IMPG1: variants seen among roughly 807,000 people sequenced by gnomAD.
IMPG1 encodes interphotoreceptor matrix proteoglycan of 150 kDa.
In IMPG1, 85 loss-of-function variants were observed where a neutral mutation model predicts 92.0. That is an observed-to-expected ratio of 0.92 (90% CI 0.78 to 1.11). IMPG1 has a LOEUF of 1.11. Among genes scored for constraint, IMPG1 ranks in the 50% least tolerant of loss-of-function variants. IMPG1 has a pLI of 0.00. For synonymous variants in IMPG1, 367 were observed against 334.1 expected, an observed-to-expected ratio of 1.10 and a Z score of -1.08; for missense variants, 1,022 against 956.0, an observed-to-expected ratio of 1.07 and a Z score of -0.91.
At position 75,992,285 on chromosome 6, in the gene IMPG1, T is replaced by TA. The variant is rs1782825182; in HGVS notation, c.1291+10632dup. ...TCCACAATAATATGAGCCAGCTCCT[T>TA]AAATAAATCTCTCTCTCCCTCTCTC... is the stretch of plus-strand genomic sequence containing the variant. On this transcript the variant is annotated intron_variant, in intron 12 of 16. Transcript: ENST00000369950. 2.0e-5 allele frequency among the ~76,000 whole-genome samples: 3 copies of TA among 152,316 alleles called. No individual in the cohort carries two copies. In the South Asian group the frequency reaches 6.2e-4, roughly 32 times the overall value.
chr6:75,965,169 C>A (rs1782285751), intron 12 of IMPG1, among the ~76,000 whole-genome samples: 1 of 152,136 alleles, frequency 6.6e-6, no homozygotes, highest in Non-Finnish European at 1.5e-5. Flanking sequence ...TATGCATGCA[C>A]AGGTTTTTAT....
chr6:75,935,410 C>G lies in IMPG1; in HGVS notation c.2045-4259G>C, dbSNP rs554547519. Among the ~76,000 whole-genome samples, 86 of 152,388 alleles carry G rather than the reference C, an allele frequency of 5.6e-4. 1 individual carries two copies. The highest frequency in any genetic ancestry group is 7.2e-4 in the Non-Finnish European group (49 of 68,042). ...CAAACGCTTCCCGCGCTGCCACGCC[C>G]TGGCGCCCAGCGTGACAAAGCTTCA... On this transcript the variant is annotated intron_variant, in intron 14 of 16. Transcript: ENST00000369950.
chr6:76,021,798 T>TATATATATATATATATATATAC lies in IMPG1; in HGVS notation c.666+317_666+318insGTATATATATATATATATATAT, dbSNP rs1169030839. Among the ~76,000 whole-genome samples the TATATATATATATATATATATAC allele has an allele frequency of 3.6e-4, 51 of 140,710 alleles. 1 individual carries two copies. Among genetic ancestry groups the TATATATATATATATATATATAC allele is most frequent in the African/African-American group, 1.3e-3 (50 of 38,494 alleles). 92.3% of individuals were successfully genotyped at this position (140,710 alleles called of 152,430 possible). ...GAGAGCATATATATATATATATATA[T>TATATATATATATATATATATAC]ATATGGTTTTGTTATATATATATAT... On this transcript the variant is annotated intron_variant, in intron 6 of 16. Coordinates refer to ENST00000369950, the MANE Select transcript of IMPG1 (RefSeq NM_001563.4).
chr6:76,049,926 T>A (rs1247480940), intron 1 of IMPG1, among the ~76,000 whole-genome samples: 3 of 152,126 alleles, frequency 2.0e-5, no homozygotes, highest in African/African-American at 7.2e-5. Flanking sequence ...CCTTTTAAAA[T>A]TTAGCCACTC....
chr6:75,939,270 A>T (rs558697360), intron 14 of IMPG1, among the ~76,000 whole-genome samples: 2 of 152,106 alleles, frequency 1.3e-5, no homozygotes, highest in Non-Finnish European at 2.9e-5. Flanking sequence ...ACATATGTAT[A>T]CATGTGCCAT....
At position 76,003,954 on chromosome 6, in the gene IMPG1, T is replaced by C. The variant is rs1217443690; in HGVS notation, c.1136-4A>G. The C allele has an allele frequency of 5.6e-6, 9 of 1,608,746 alleles. No individual in the cohort carries two copies. The highest frequency in any genetic ancestry group is 7.6e-6 in the Non-Finnish European group (9 of 1,176,788). On this transcript the variant is annotated splice_polypyrimidine_tract_variant and splice_region_variant and intron_variant, in intron 10 of 16. Transcript: ENST00000369950. ...GCTGGCAGTGATCCAGCAATTTCTA[T>C]GGGTAAAAAATCACAAGATTTGAAT...
chr6:75,972,991 A>T (rs1049995857), intron 12 of IMPG1, among the ~76,000 whole-genome samples: 1 of 151,992 alleles, frequency 6.6e-6, no homozygotes, highest in African/African-American at 2.4e-5. Flanking sequence ...TTCTTTTTTG[A>T]GACAGGGTCT....
intron 12 of IMPG1, among the ~76,000 whole-genome samples, chr6:75,953,950 T>C (rs1782076646): frequency 6.6e-6 from 1 of 152,252 alleles, no homozygotes; most frequent in African/African-American, 2.4e-5. Context: ...ACTCATCCTT[T>C]GTTATGGCTG....
At position 76,005,346 on chromosome 6, in the gene IMPG1, A is replaced by G. The variant is rs1783076148; in HGVS notation, c.1076T>C (p.Ile359Thr). The stretch of plus-strand genomic sequence containing the variant: ...TTGTTCTTCCTCTAGTGCTTTGCTG[A>G]TCAGCCTTTTGAGGTCTGTAGCTGT... ...YLTATDLKRL[I>T]SKALEEEQSL... Residue 359 changes from isoleucine (I) to threonine (T), a missense_variant, in exon 10 of 17, where the codon ATC becomes ACC. Ile to Thr is a moderately conservative substitution (Grantham distance 89, BLOSUM62 -1). This residue lies in a region of IMPG1 where 681 missense variants were observed against 583.6 expected (regional missense o/e 1.17). Coordinates refer to ENST00000369950, the MANE Select transcript of IMPG1 (RefSeq NM_001563.4). The G allele has an allele frequency of 6.2e-7, 1 of 1,613,918 alleles. No individual in the cohort carries two copies. The highest frequency in any genetic ancestry group is 1.3e-5 in the African/African-American group (1 of 74,930).
At chr6:75,933,389 A>T (rs1781693797) in intron 14 of IMPG1, among the ~76,000 whole-genome samples, 1 of 152,208 alleles carries the variant, frequency 6.6e-6, no homozygotes, top group Non-Finnish European at 1.5e-5. Flanking sequence ...AGATTTCACC[A>T]TGATCCTGTA....
intron 12 of IMPG1, among the ~76,000 whole-genome samples, chr6:75,974,393 T>TTCC (rs1313714060): frequency 0.062 from 4,043 of 64,858 alleles, 212 homozygotes; most frequent in East Asian, 0.13. Context: ...CTTTCTTTCT[T>TTCC]TTCTTTCTTT....
At position 76,034,359 on chromosome 6, in the gene IMPG1, G is replaced by T. The variant is rs1783699395; in HGVS notation, c.469-16C>A. The T allele has an allele frequency of 1.9e-6, 3 of 1,610,740 alleles. No homozygotes were observed. Among genetic ancestry groups the T allele is most frequent in the Non-Finnish European group, 2.5e-6 (3 of 1,177,154 alleles). On this transcript the variant is annotated splice_polypyrimidine_tract_variant and intron_variant, in intron 3 of 16. Transcript: ENST00000369950. ...GTTTTATTCTCTGCAAAAAGATAAA[G>T]ATAAAATGTAATTTTACCAGGAGAT... is the stretch of plus-strand genomic sequence containing the variant.
chr6:76,024,377 T>C (rs989341810), intron 5 of IMPG1, among the ~76,000 whole-genome samples: 8 of 136,984 alleles, frequency 5.8e-5, no homozygotes, highest in Non-Finnish European at 9.6e-5. Flanking sequence ...AGTTTTATTG[T>C]GTATATTTAA....
At chr6:75,932,872 T>G (rs1234378570) in intron 14 of IMPG1, among the ~76,000 whole-genome samples, 1 of 152,018 alleles carries the variant, frequency 6.6e-6, no homozygotes, top group Non-Finnish European at 1.5e-5. Context: ...AGCTAATTTT[T>G]GTATTTTTAG....
At chr6:75,951,491 C>T (rs1374014381) in intron 12 of IMPG1, among the ~76,000 whole-genome samples, 1 of 152,172 alleles carries the variant, frequency 6.6e-6, no homozygotes, top group Non-Finnish European at 1.5e-5. Context: ...ATTTAGATCC[C>T]TCATCCCCGT....
chr6:76,068,682 A>G (rs1784352951), intron 1 of IMPG1, among the ~76,000 whole-genome samples: 1 of 151,686 alleles, frequency 6.6e-6, no homozygotes, highest in Non-Finnish European at 1.5e-5. Context: ...ATGCCTGGCT[A>G]ATTTTTATAT....
chr6:76,002,936 C>T lies in IMPG1; in HGVS notation c.1273G>A (p.Ala425Thr). 6.2e-7 allele frequency: 1 copy of T among 1,613,350 alleles called. No individual in the cohort carries two copies. Among genetic ancestry groups the T allele is most frequent in the South Asian group, 1.1e-5 (1 of 91,054 alleles). The stretch of plus-strand genomic sequence containing the variant: ...AACTTACCAGGTAGACCATGCTCTG[C>T]TCCGTCCACTGTCTCAAGCTGGGGT... ...VEPQLETVDG[A>T]EHGLPDTSWS... The change falls in exon 12 of 17, where the codon GCA becomes ACA. Residue 425 changes from alanine (A) to threonine (T), a missense_variant. Ala to Thr is a moderately conservative substitution (Grantham distance 58). This residue lies in a region of IMPG1 where 681 missense variants were observed against 583.6 expected (regional missense o/e 1.17). Transcript: ENST00000369950.
chr6:76,053,004 C>A (rs914617230), intron 1 of IMPG1, among the ~76,000 whole-genome samples: 1 of 152,174 alleles, frequency 6.6e-6, no homozygotes, highest in Non-Finnish European at 1.5e-5. Flanking sequence ...ACCCCTCCAT[C>A]ATCCTGCTGC....
chr6:75,983,871 C>T (rs1028833349), intron 12 of IMPG1, among the ~76,000 whole-genome samples: 1 of 148,244 alleles, frequency 6.7e-6, no homozygotes, highest in Non-Finnish European at 1.5e-5. Context: ...AACTCAATGG[C>T]AAAAAAGCAA....
Sources: gnomAD v4.1 joint callset for allele counts (sites outside exome capture counted in the v4.1 genomes callset) on GRCh38, gnomAD v4.1.1 for gene constraint, gnomAD v4.1.1 regional missense constraint, MANE v1.5 for transcripts, NCBI Gene and HGNC (gene_info 2026-07-23, HGNC 2026-07-21) for gene names.